The following SEC61B variants were observed in gnomAD, a reference collection of about 807,000 sequenced individuals.
SEC61B encodes the protein protein transport protein Sec61 subunit beta.
A neutral mutation model predicts 12.6 loss-of-function variants in SEC61B; 7 were observed. That is an observed-to-expected ratio of 0.55 (90% CI 0.32 to 1.04). The LOEUF (loss-of-function observed/expected upper bound fraction) is 1.04, where lower values mean the gene tolerates loss of function less well. SEC61B is among the 50% of genes least tolerant of loss of function. The pLI is 0.05. For synonymous variants in SEC61B, 54 were observed against 50.1 expected, an observed-to-expected ratio of 1.08 and a Z score of -0.33; for missense variants, 107 against 130.1, an observed-to-expected ratio of 0.82 and a Z score of 0.86.
intron 3 of SEC61B, among the ~76,000 whole-genome samples, chr9:99,228,662 C>T (rs188229289): frequency 6.6e-6 from 1 of 152,326 alleles, no homozygotes; most frequent in Admixed American, 6.5e-5. Flanking sequence ...AACACCACTG[C>T]CTACAACTGT....
In SEC61B at chr9:99,222,322, T is replaced by A; in HGVS notation, c.-42T>A. The A allele has an allele frequency of 1.2e-6, 2 of 1,614,102 alleles. No homozygotes were observed. The highest frequency in any genetic ancestry group is 4.5e-5 in the East Asian group (2 of 44,870). ...CGGTCTTTCGGGGGCTCCGTAACTT[T>A]CTATCCGTCCGCGTCAGCGCCTTGC... is the stretch of plus-strand genomic sequence containing the variant. On this transcript the variant is annotated 5_prime_UTR_variant, in exon 1 of 4. Coordinates refer to ENST00000223641, the MANE Select transcript of SEC61B (RefSeq NM_006808.3).
At chr9:99,226,109 A>G (rs2119018465) in intron 2 of SEC61B, among the ~76,000 whole-genome samples, 1 of 152,368 alleles carries the variant, frequency 6.6e-6, no homozygotes, top group Middle Eastern at 3.4e-3. Context: ...TGGTCACACA[A>G]TGAAGTTTTA....
chr9:99,228,114 C>A (rs1053338405), intron 3 of SEC61B, 114 bp downstream of exon 3: 71 of 762,372 alleles, frequency 9.3e-5, no homozygotes, highest in Middle Eastern at 2.4e-4. Flanking sequence ...CTGTACACAA[C>A]AGCCTCATTT....
chr9:99,226,695 G>A (rs1463868122), intron 2 of SEC61B, among the ~76,000 whole-genome samples: 1 of 152,186 alleles, frequency 6.6e-6, no homozygotes, highest in African/African-American at 2.4e-5. Flanking sequence ...TGGGGTTGGG[G>A]AAGTACTGCA....
chr9:99,226,423 C>T (rs1417352630), intron 2 of SEC61B, among the ~76,000 whole-genome samples: 4 of 152,186 alleles, frequency 2.6e-5, no homozygotes, highest in Non-Finnish European at 4.4e-5. Context: ...GTTTTCACTT[C>T]TCTTCTTTTC....
chr9:99,227,818 T>G, intron 2 of SEC61B, 81 bp from the exon 3 acceptor site: 2 of 973,406 alleles, frequency 2.1e-6, no homozygotes, highest in Non-Finnish European at 3.2e-6. Context: ...TCCTTAACTG[T>G]GTAATAATGG....
intron 2 of SEC61B, among the ~76,000 whole-genome samples, chr9:99,224,705 A>G (rs370044330): frequency 2.4e-4 from 37 of 152,206 alleles, no homozygotes; most frequent in Non-Finnish European, 1.5e-5. Context: ...CCATGGTTGT[A>G]TGTATTGAGA....
chr9:99,230,562 A>G lies in SEC61B; in HGVS notation c.*138A>G. 1.6e-6 allele frequency: 1 copy of G among 628,662 alleles called. No individual in the cohort carries two copies. The highest frequency in any genetic ancestry group is 1.9e-5 in the South Asian group (1 of 53,570). The allele number at this position is 628,662 out of a possible 1,614,324, so 38.9% of individuals were successfully genotyped here. A position where few individuals can be genotyped will look rare whatever the true frequency, so the allele number is the denominator to read the frequency against. On this transcript the variant is annotated 3_prime_UTR_variant, in exon 4 of 4. Transcript: ENST00000223641. ...TTTACAGGGGATTTATCAATAATTGATTTTGAGGAATCAGTTTTTTTCTAT... is the reference window on the plus strand; with the variant it reads ...TTTACAGGGGATTTATCAATAATTGGTTTTGAGGAATCAGTTTTTTTCTAT...
At chr9:99,229,721 G>A (rs1322945652) in intron 3 of SEC61B, among the ~76,000 whole-genome samples, 3 of 152,232 alleles carry the variant, frequency 2.0e-5, no homozygotes, top group Middle Eastern at 3.4e-3. Context: ...GTATACAGGT[G>A]TATATATTTA....
rs547346729 is a variant in SEC61B, at chr9:99,228,113, A to T, written c.203+113A>T. On this transcript the variant is annotated intron_variant, in intron 3 of 3. Transcript: ENST00000223641. ...GCCTTGATGCGATTTACTGTACACA[A>T]CAGCCTCATTTGTGCCAGGCGGACT... is the stretch of plus-strand genomic sequence containing the variant. The T allele has an allele frequency of 3.2e-4, 247 of 766,686 alleles. 2 individuals carry two copies. The highest frequency in any genetic ancestry group is 3.2e-3 in the South Asian group (160 of 50,010). The allele number at this position is 766,686 out of a possible 1,614,324, so 47.5% of individuals were successfully genotyped here.
intron 2 of SEC61B, among the ~76,000 whole-genome samples, chr9:99,226,337 G>A (rs1213074120): frequency 2.0e-5 from 3 of 152,226 alleles, no homozygotes; most frequent in African/African-American, 7.2e-5. Context: ...AGAATGTGGA[G>A]TAAAGACCGT....
At position 99,222,342 on chromosome 9, in the gene SEC61B, C is replaced by T. The variant is rs1456947631; in HGVS notation, c.-22C>T. On this transcript the variant is annotated 5_prime_UTR_variant, in exon 1 of 4. Transcript: ENST00000223641. ...AACTTTCTATCCGTCCGCGTCAGCG[C>T]CTTGCCACCCTCATCTCCAATATGG... The T allele has an allele frequency of 3.7e-6, 6 of 1,614,194 alleles. No homozygotes were observed. Among genetic ancestry groups the T allele is most frequent in the Non-Finnish European group, 5.1e-6 (6 of 1,180,024 alleles).
chr9:99,223,543 G>T (rs1476943650), intron 2 of SEC61B, among the ~76,000 whole-genome samples: 1 of 152,082 alleles, frequency 6.6e-6, no homozygotes, highest in African/African-American at 2.4e-5. Flanking sequence ...GCAGGCACGT[G>T]CCACCACACC....
intron 2 of SEC61B, among the ~76,000 whole-genome samples, chr9:99,226,895 G>A (rs1172650731): frequency 6.6e-6 from 1 of 152,070 alleles, no homozygotes; most frequent in Non-Finnish European, 1.5e-5. Context: ...GAGACACAAG[G>A]GGTGTTTTGG....
At position 99,222,330 on chromosome 9, in the gene SEC61B, T is replaced by C. The variant is rs1219074250; in HGVS notation, c.-34T>C. 3 of 1,614,020 alleles carry C rather than the reference T, an allele frequency of 1.9e-6. No homozygotes were observed. On this transcript the variant is annotated 5_prime_UTR_variant, in exon 1 of 4. Transcript: ENST00000223641. ...CGGGGGCTCCGTAACTTTCTATCCG[T>C]CCGCGTCAGCGCCTTGCCACCCTCA... is the stretch of plus-strand genomic sequence containing the variant.
At chr9:99,229,966 A>G (rs528110659) in intron 3 of SEC61B, among the ~76,000 whole-genome samples, 8 of 152,216 alleles carry the variant, frequency 5.3e-5, no homozygotes, top group Non-Finnish European at 1.0e-4. Context: ...ATTTGAAAAA[A>G]AAAGTTTGGT....
Position 99,222,290 on chromosome 9 carries a change from C to T in SEC61B, c.-74C>T. On this transcript the variant is annotated 5_prime_UTR_variant, in exon 1 of 4. Transcript: ENST00000223641. Reference sequence around the variant, plus strand: ...GGGGCGGGGCCTGAGTCAGTCTCGCCAGCTGCCGGTCTTTCGGGGGCTCCG... The same window carrying T: ...GGGGCGGGGCCTGAGTCAGTCTCGCTAGCTGCCGGTCTTTCGGGGGCTCCG... 2.5e-6 allele frequency: 4 copies of T among 1,611,218 alleles called. No individual in the cohort carries two copies. Among genetic ancestry groups the T allele is most frequent in the African/African-American group, 1.3e-5 (1 of 74,972 alleles).
At position 99,222,333 on chromosome 9, in the gene SEC61B, G is replaced by C; in HGVS notation, c.-31G>C. 2.5e-6 allele frequency: 4 copies of C among 1,614,116 alleles called. No individual in the cohort carries two copies. Among genetic ancestry groups the C allele is most frequent in the Non-Finnish European group, 3.4e-6 (4 of 1,180,012 alleles). On this transcript the variant is annotated 5_prime_UTR_variant, in exon 1 of 4. Coordinates refer to ENST00000223641, the MANE Select transcript of SEC61B (RefSeq NM_006808.3). ...GGGCTCCGTAACTTTCTATCCGTCC[G>C]CGTCAGCGCCTTGCCACCCTCATCT...
chr9:99,224,763 C>T (rs1828876613), intron 2 of SEC61B, among the ~76,000 whole-genome samples: 1 of 152,170 alleles, frequency 6.6e-6, no homozygotes, highest in Non-Finnish European at 1.5e-5. Context: ...AGTATCATTT[C>T]ATGAGTATAA....
Sources: allele counts gnomAD v4.1 joint callset (sites outside exome capture counted in the v4.1 genomes callset), GRCh38; gene constraint gnomAD v4.1.1; transcripts MANE v1.5; gene names NCBI Gene and HGNC (gene_info 2026-07-23, HGNC 2026-07-21).